Variants in KCNN2 observed in about 807,000 individuals in gnomAD.
The protein encoded by KCNN2 is potassium calcium-activated channel subfamily N member 2.
Under a neutral mutation model 55.5 loss-of-function variants are expected in KCNN2, and 24 were observed. The ratio of observed to expected loss-of-function variants is 0.43; its 90% CI spans 0.31 to 0.61. The LOEUF (loss-of-function observed/expected upper bound fraction) is 0.61, where lower values mean the gene tolerates loss of function less well. Ranked by LOEUF, KCNN2 falls within the 20% of genes least tolerant of loss-of-function variation. The pLI, the probability that KCNN2 is intolerant of heterozygous loss-of-function variation, is 0.08. For missense variants in KCNN2, 754 were observed against 853.6 expected, an observed-to-expected ratio of 0.88 and a Z score of 1.45; for synonymous variants, 431 against 336.1, an observed-to-expected ratio of 1.28 and a Z score of -3.09.
At chr5:114,117,682 T>C (rs2112591846) in intron 1 of KCNN2, among the ~76,000 whole-genome samples, 1 of 152,200 alleles carries the variant, frequency 6.6e-6, no homozygotes, top group South Asian at 2.1e-4. Context: ...AGGGAGGTCT[T>C]TGAGGAGAGG....
At chr5:114,489,788 C>T (rs533001692) in intron 6 of KCNN2, among the ~76,000 whole-genome samples, 4 of 152,272 alleles carry the variant, frequency 2.6e-5, no homozygotes, top group African/African-American at 9.6e-5. Flanking sequence ...GCTTCCATTG[C>T]CCACTGTGCA....
intron 1 of KCNN2, among the ~76,000 whole-genome samples, chr5:114,057,469 C>T (rs1750236307): frequency 6.6e-6 from 1 of 152,188 alleles, no homozygotes; most frequent in Admixed American, 6.5e-5. Flanking sequence ...TAGAACAGAG[C>T]TCTTCATACA....
chr5:114,402,389 T>A (rs1319916437), intron 2 of KCNN2, among the ~76,000 whole-genome samples: 1 of 152,180 alleles, frequency 6.6e-6, no homozygotes, highest in South Asian at 2.1e-4. Context: ...AGAGTAGGCA[T>A]GGAGCCAGCC....
At chr5:114,478,152 A>G (rs1301075527) in intron 5 of KCNN2, among the ~76,000 whole-genome samples, 3 of 152,184 alleles carry the variant, frequency 2.0e-5, no homozygotes, top group African/African-American at 7.2e-5. Flanking sequence ...GGTTGAGAGC[A>G]TATGGCACCC....
chr5:114,401,023 T>C (rs1274172669), intron 2 of KCNN2, among the ~76,000 whole-genome samples: 1 of 151,686 alleles, frequency 6.6e-6, no homozygotes, highest in Non-Finnish European at 1.5e-5. Context: ...TTAGTTTCAA[T>C]GGGCAGATTC....
At chr5:114,397,652 T>TG (rs1580789000) in intron 2 of KCNN2, among the ~76,000 whole-genome samples, 1 of 152,186 alleles carries the variant, frequency 6.6e-6, no homozygotes, top group Non-Finnish European at 1.5e-5. Context: ...CCACCCAAAG[T>TG]GCTGGGATTA....
Position 114,372,784 on chromosome 5 carries a change from C to T in KCNN2, c.1218+8783C>T, listed in dbSNP as rs1480631596. ...GTATAAGGAAATTTTATATTCTCTTCATGTAACTTTTTATTGTTTTTCCTC... is the reference window on the plus strand; with the variant it reads ...GTATAAGGAAATTTTATATTCTCTTTATGTAACTTTTTATTGTTTTTCCTC... On this transcript the variant is annotated intron_variant, in intron 2 of 7. Transcript: ENST00000673685. Among the ~76,000 whole-genome samples the T allele has an allele frequency of 2.0e-5, 3 of 152,116 alleles. No homozygotes were observed. In the East Asian group the frequency reaches 5.8e-4, roughly 29 times the overall value.
At chr5:114,173,782 A>G (rs1338486484) in intron 1 of KCNN2, among the ~76,000 whole-genome samples, 2 of 151,712 alleles carry the variant, frequency 1.3e-5, no homozygotes, top group African/African-American at 2.4e-5. Context: ...TATTTTTACT[A>G]TATTATTTTT....
At chr5:114,222,568 T>C (rs1397019504) in intron 2 of KCNN2, among the ~76,000 whole-genome samples, 1 of 152,222 alleles carries the variant, frequency 6.6e-6, no homozygotes, top group Non-Finnish European at 1.5e-5. Context: ...AATAAGTTGA[T>C]TTGAAAATTT....
At position 114,149,622 on chromosome 5, in the gene KCNN2, TTAACA is replaced by T. The variant is rs369130552; in HGVS notation, c.-270-71851_-270-71847del. 6.9e-3 allele frequency among the ~76,000 whole-genome samples: 1,047 copies of T among 152,264 alleles called. 8 individuals carry two copies. Among genetic ancestry groups the T allele is most frequent in the African/African-American group, 0.025 (1,024 of 41,550 alleles). On this transcript the variant is annotated intron_variant, in intron 1 of 10. Coordinates refer to the KCNN2 transcript ENST00000512097. ...GGTCACATGGGAATGAAGTAATTCT[TTAACA>T]TAACATCTGTATGCAGAAGTACAGT... is the stretch of plus-strand genomic sequence containing the variant.
intron 1 of KCNN2, among the ~76,000 whole-genome samples, chr5:114,148,140 G>A (rs1236164574): frequency 2.0e-5 from 3 of 152,026 alleles, no homozygotes; most frequent in African/African-American, 7.3e-5. Context: ...GTTAATGGAA[G>A]GTATAGTGAG....
At position 114,141,278 on chromosome 5, in the gene KCNN2, T is replaced by A. The variant is rs566930097; in HGVS notation, c.-270-80202T>A. On this transcript the variant is annotated intron_variant, in intron 1 of 10. Transcript: ENST00000512097. ...TATATCTCCTAATGCTATCCCTCTG[T>A]CTCCCCCAACCCCACGACAGGCCCC... Among the ~76,000 whole-genome samples the A allele has an allele frequency of 1.8e-4, 27 of 152,156 alleles. No individual in the cohort carries two copies. The South Asian group carries it at 4.8e-3, about 27-fold the overall frequency.
At chr5:114,377,912 G>T (rs1757991597) in intron 2 of KCNN2, among the ~76,000 whole-genome samples, 2 of 152,054 alleles carry the variant, frequency 1.3e-5, no homozygotes, top group Non-Finnish European at 2.9e-5. Flanking sequence ...TTATTATTCT[G>T]TCATTGTTAC....
Position 114,072,289 on chromosome 5 carries a change from T to C in KCNN2, c.-271+15789T>C, listed in dbSNP as rs533789909. Among the ~76,000 whole-genome samples, 3 of 149,554 alleles carry C rather than the reference T, an allele frequency of 2.0e-5. No homozygotes were observed. In the East Asian group the frequency reaches 5.9e-4, roughly 29 times the overall value. ...CCTGGGCAACAAGAGTAAAACTCCA[T>C]CTAAAAAAAAAAAAAAGTAATGTCG... On this transcript the variant is annotated intron_variant, in intron 1 of 10. Coordinates refer to the KCNN2 transcript ENST00000512097.
intron 1 of KCNN2, among the ~76,000 whole-genome samples, chr5:114,094,579 G>A (rs1157602160): frequency 6.6e-6 from 1 of 152,140 alleles, no homozygotes; most frequent in Admixed American, 6.6e-5. Context: ...TGAACAATAA[G>A]AAAAGAAAAG....
At chr5:114,199,515 T>G (rs1241162486) in intron 1 of KCNN2, among the ~76,000 whole-genome samples, 1 of 145,876 alleles carries the variant, frequency 6.9e-6, no homozygotes, top group East Asian at 1.9e-4. Flanking sequence ...TTCATTGTCT[T>G]TTTGTTTTGT....
intron 2 of KCNN2, among the ~76,000 whole-genome samples, chr5:114,304,359 A>G (rs1756226149): frequency 6.6e-6 from 1 of 152,184 alleles, no homozygotes; most frequent in African/African-American, 2.4e-5. Context: ...CAACTTCTTT[A>G]GGCCTTTTGG....
chr5:114,468,532 T>C (rs1761559229), intron 4 of KCNN2, among the ~76,000 whole-genome samples: 1 of 152,154 alleles, frequency 6.6e-6, no homozygotes, highest in African/African-American at 2.4e-5. Flanking sequence ...AAATTTTAAT[T>C]ATAGGCTAAT....
chr5:114,242,765 G>A (rs4299732), intron 2 of KCNN2, among the ~76,000 whole-genome samples: 126,548 of 152,190 alleles, frequency 0.83, 52,669 homozygotes, highest in East Asian at 0.9. Flanking sequence ...TCCTTAGGGA[G>A]AATGCAATAT....
Sources: allele counts gnomAD v4.1 joint callset (sites outside exome capture counted in the v4.1 genomes callset), GRCh38; gene constraint gnomAD v4.1.1; transcripts MANE v1.5; gene names NCBI Gene and HGNC (gene_info 2026-07-23, HGNC 2026-07-21).